RMC1: variants seen among roughly 807,000 people sequenced by gnomAD.
RMC1 encodes regulator of MON1-CCZ1 complex.
In RMC1, 44 loss-of-function variants were observed where a neutral mutation model predicts 95.5. The observed-to-expected ratio is 0.46, with a 90% CI of 0.36 to 0.59. RMC1 has a LOEUF of 0.59. Among genes scored for constraint, RMC1 ranks in the 20% least tolerant of loss-of-function variants. The probability of loss-of-function intolerance (pLI) is 0.00; values close to 1 mark genes in which losing one functional copy is unlikely to be tolerated. For synonymous variants in RMC1, 320 were observed against 303.6 expected, an observed-to-expected ratio of 1.05 and a Z score of -0.56; for missense variants, 705 against 819.6, an observed-to-expected ratio of 0.86 and a Z score of 1.71.
intron 5 of RMC1, among the ~76,000 whole-genome samples, chr18:23,513,409 G>A (rs759053256): frequency 3.9e-5 from 6 of 152,350 alleles, no homozygotes; most frequent in Middle Eastern, 6.8e-3. Context: ...ACCGCACTGA[G>A]CGTATACACC....
At chr18:23,526,275 C>T (rs2058295279) in intron 12 of RMC1, among the ~76,000 whole-genome samples, 2 of 152,178 alleles carry the variant, frequency 1.3e-5, no homozygotes, top group South Asian at 2.1e-4. Context: ...GTTGATGCCA[C>T]GTGTTGACAT....
rs572866728 is a variant in RMC1 at position 23,526,882 on chromosome 18, C to G, written c.1189+117C>G. 139 of 1,378,266 alleles carry G rather than the reference C, an allele frequency of 1.0e-4. No individual in the cohort carries two copies. In the South Asian group the frequency reaches 1.9e-3, roughly 19 times the overall value. 85.4% of individuals were successfully genotyped at this position (1,378,266 alleles called of 1,614,324 possible). Reference sequence around the variant, plus strand: ...CTTGTCTGTGACCCACAGCCTCATTCTTTATGTGAGGGGTGGCTATGTGAC... The same window carrying G: ...CTTGTCTGTGACCCACAGCCTCATTGTTTATGTGAGGGGTGGCTATGTGAC... On this transcript the variant is annotated intron_variant, in intron 13 of 19. Coordinates refer to ENST00000269221, the MANE Select transcript of RMC1 (RefSeq NM_013326.5).
At chr18:23,506,749 A>G (rs775194206) in intron 2 of RMC1, 3 of 420,384 alleles carry the variant, frequency 7.1e-6, no homozygotes, top group Non-Finnish European at 1.3e-5. Flanking sequence ...GAATTCTTCA[A>G]TCACTTGTTA....
intron 5 of RMC1, among the ~76,000 whole-genome samples, chr18:23,513,268 T>G (rs1262222474): frequency 1.3e-5 from 2 of 152,242 alleles, no homozygotes; most frequent in African/African-American, 2.4e-5. Flanking sequence ...TTGATTACCT[T>G]TTATACTTCA....
intron 5 of RMC1, among the ~76,000 whole-genome samples, chr18:23,514,376 G>A (rs548294889): frequency 5.2e-4 from 79 of 152,238 alleles, no homozygotes; most frequent in African/African-American, 1.5e-3. Flanking sequence ...ACTAAGTGCC[G>A]TCTCTACTGT....
chr18:23,503,789 C>T lies in RMC1; in HGVS notation c.102+69C>T. 3 of 1,346,106 alleles carry T rather than the reference C, an allele frequency of 2.2e-6. No homozygotes were observed. In the East Asian group the frequency reaches 8.9e-5, roughly 40 times the overall value. The allele number at this position is 1,346,106 out of a possible 1,614,324, so 83.4% of individuals were successfully genotyped here. A position where few individuals can be genotyped will look rare whatever the true frequency, so the allele number is the denominator to read the frequency against. ...GTCGTGGGCGCGCCAAGGCCGGTCC[C>T]GCGCGACCAGGCCCGAGCGTCCCCT... is the stretch of plus-strand genomic sequence containing the variant. On this transcript the variant is annotated intron_variant, in intron 1 of 19. Transcript: ENST00000269221.
intron 4 of RMC1, 77 bp downstream of exon 4, chr18:23,508,118 G>A (rs957638560): frequency 1.9e-5 from 24 of 1,284,216 alleles, no homozygotes; most frequent in Middle Eastern, 2.5e-4. Flanking sequence ...GCGGGGCATT[G>A]GGGTCGCAGG....
In RMC1 at chr18:23,523,543, C is replaced by CAAAAA. The variant is rs374224848; in HGVS notation, c.962-565_962-561dup. Among the ~76,000 whole-genome samples the CAAAAA allele has an allele frequency of 5.8e-4, 44 of 76,362 alleles. 1 individual carries two copies. Among genetic ancestry groups the CAAAAA allele is most frequent in the Non-Finnish European group, 7.0e-4 (30 of 42,562 alleles). 50.1% of individuals were successfully genotyped at this position (76,362 alleles called of 152,430 possible). A position where few individuals can be genotyped will look rare whatever the true frequency, so the allele number is the denominator to read the frequency against. On this transcript the variant is annotated intron_variant, in intron 10 of 19. Coordinates refer to ENST00000269221, the MANE Select transcript of RMC1 (RefSeq NM_013326.5). Reference sequence around the variant, plus strand: ...CTAGGTAACATAGACCTTGTCTTCACAAAAAAAAAAAAAAAAAAAAAAAAA... The same window carrying CAAAAA: ...CTAGGTAACATAGACCTTGTCTTCACAAAAAAAAAAAAAAAAAAAAAAAAAAAAAA...
chr18:23,527,635 G>A (rs997677288), intron 13 of RMC1, among the ~76,000 whole-genome samples, 160 bp from the exon 14 acceptor site: 7 of 146,760 alleles, frequency 4.8e-5, no homozygotes, highest in Non-Finnish European at 5.9e-5. Flanking sequence ...AAGGGGTTGC[G>A]AATGACATCT....
chr18:23,524,311 AG>A, intron 11 of RMC1, 117 bp from the exon 12 acceptor site: 2 of 1,486,286 alleles, frequency 1.3e-6, no homozygotes, highest in South Asian at 1.1e-5. Flanking sequence ...CTGACTGTCC[AG>A]GGGCCTCGCG....
rs370745743 is a variant in RMC1, at chr18:23,527,927, G to A, written c.1296+26G>A. 5.2e-6 allele frequency: 8 copies of A among 1,541,334 alleles called. No individual in the cohort carries two copies. The African/African-American group carries it at 5.5e-5, about 11-fold the overall frequency. ...GTGAGTTACATGGAGTATGACAAAG[G>A]GTCCTCCTCCCCCACCCCCTCCCGG... is the stretch of plus-strand genomic sequence containing the variant. On this transcript the variant is annotated intron_variant, in intron 14 of 19. Coordinates refer to ENST00000269221, the MANE Select transcript of RMC1 (RefSeq NM_013326.5).
At position 23,503,551 on chromosome 18, in the gene RMC1, T is replaced by C. The variant is rs1202823919; in HGVS notation, c.-68T>C. On this transcript the variant is annotated 5_prime_UTR_variant, in exon 1 of 20. Coordinates refer to ENST00000269221, the MANE Select transcript of RMC1 (RefSeq NM_013326.5). ...GCCGCCGCTACAGTCCGGGCCGGGCTCCACCGCGCATCCTGCTCCACTCTG... is the reference window on the plus strand; with the variant it reads ...GCCGCCGCTACAGTCCGGGCCGGGCCCCACCGCGCATCCTGCTCCACTCTG... The C allele has an allele frequency of 4.2e-6, 5 of 1,189,542 alleles. No individual in the cohort carries two copies. In the South Asian group the frequency reaches 4.7e-5, roughly 11 times the overall value. The allele number at this position is 1,189,542 out of a possible 1,614,324, so 73.7% of individuals were successfully genotyped here. A position where few individuals can be genotyped will look rare whatever the true frequency, so the allele number is the denominator to read the frequency against.
intron 12 of RMC1, among the ~76,000 whole-genome samples, chr18:23,525,646 A>G (rs1326410002): frequency 6.6e-6 from 1 of 151,560 alleles, no homozygotes; most frequent in Non-Finnish European, 1.5e-5. Context: ...GATGGTCTCG[A>G]TCTCCTGACC....
At chr18:23,517,598 CT>C (rs2145196788) in intron 7 of RMC1, among the ~76,000 whole-genome samples, 1 of 152,310 alleles carries the variant, frequency 6.6e-6, no homozygotes, top group East Asian at 1.9e-4. Context: ...TTCTAAGTTA[CT>C]TCTGATTCTT....
chr18:23,530,046 G>A lies in RMC1; in HGVS notation c.1513G>A (p.Val505Ile), dbSNP rs766345369. 4.3e-6 allele frequency: 7 copies of A among 1,613,936 alleles called. No homozygotes were observed. The highest frequency in any genetic ancestry group is 4.5e-5 in the East Asian group (2 of 44,900). ...TCCTCAGCATTACCTACATGAACTTGTTATCAAAACCCTTGTCCAGCACAA... is the reference window on the plus strand; with the variant it reads ...TCCTCAGCATTACCTACATGAACTTATTATCAAAACCCTTGTCCAGCACAA... ...IAVQHYLHELVIKTLVQHNLF... is the reference protein window; with the variant it reads ...IAVQHYLHELIIKTLVQHNLF... The change falls in exon 17 of 20, where the codon GTT (valine) becomes ATT (isoleucine). Residue 505 changes from valine to isoleucine, a missense_variant. Coordinates refer to ENST00000269221, the MANE Select transcript of RMC1 (RefSeq NM_013326.5).
In RMC1 at chr18:23,530,279, A is replaced by G. The variant is rs370483111; in HGVS notation, c.1650A>G (p.Leu550=). 1.8e-5 allele frequency: 29 copies of G among 1,614,094 alleles called. No homozygotes were observed. Among genetic ancestry groups the G allele is most frequent in the South Asian group, 6.6e-5 (6 of 91,088 alleles). The part of the protein sequence containing the change: ...LESFYPPAHQ[L]SLDMLKRLST... ...GTTTCTATCCTCCTGCTCATCAGCT[A>G]TCTCTGGACATGCTGAAGGTAACTC... is the stretch of plus-strand genomic sequence containing the variant. The change falls in exon 18 of 20, where the codon CTA becomes CTG. Residue 550 remains leucine, a synonymous_variant. Coordinates refer to ENST00000269221, the MANE Select transcript of RMC1 (RefSeq NM_013326.5).
At chr18:23,504,514 G>T in intron 2 of RMC1, 67 bp downstream of exon 2, 2 of 1,442,494 alleles carry the variant, frequency 1.4e-6, no homozygotes, top group South Asian at 1.1e-5. Flanking sequence ...TAATTCAAAT[G>T]GTTTTTTATA....
intron 10 of RMC1, 148 bp from the exon 11 acceptor site, chr18:23,523,982 T>G: frequency 1.2e-6 from 1 of 853,562 alleles, no homozygotes. Context: ...GTGCTTTCAG[T>G]GAGACGGAAC....
At chr18:23,527,950 C>A in intron 14 of RMC1, 49 bp downstream of exon 14, 1 of 1,413,592 alleles carries the variant, frequency 7.1e-7, no homozygotes, top group East Asian at 2.4e-5. Flanking sequence ...CACCCCCTCC[C>A]GGGTATTTTC....
Sources: allele counts gnomAD v4.1 joint callset (sites outside exome capture counted in the v4.1 genomes callset), GRCh38; gene constraint gnomAD v4.1.1; transcripts MANE v1.5; gene names NCBI Gene and HGNC (gene_info 2026-07-23, HGNC 2026-07-21).